Variants in FAM47E observed in about 807,000 individuals in gnomAD.
The protein encoded by FAM47E is protein FAM47E.
A neutral mutation model predicts 41.6 loss-of-function variants in FAM47E; 32 were observed. The observed-to-expected ratio is 0.77, with a 90% confidence interval of 0.58 to 1.03. The LOEUF is 1.03. Among genes scored for constraint, FAM47E ranks in the 50% least tolerant of loss-of-function variants. The pLI, the probability that FAM47E is intolerant of heterozygous loss-of-function variation, is 0.00. For synonymous variants in FAM47E, 184 were observed against 188.7 expected, an observed-to-expected ratio of 0.98 and a Z score of 0.20; for missense variants, 424 against 485.4, an observed-to-expected ratio of 0.87 and a Z score of 1.19.
intron 3 of FAM47E, among the ~76,000 whole-genome samples, chr4:76,266,057 G>A: frequency 6.6e-6 from 1 of 152,186 alleles, no homozygotes; most frequent in Non-Finnish European, 1.5e-5. Context: ...AGCTCTCAGG[G>A]ATCACCATAC....
chr4:76,264,204 T>C (rs1039613782), intron 3 of FAM47E, among the ~76,000 whole-genome samples: 1 of 152,116 alleles, frequency 6.6e-6, no homozygotes, highest in Non-Finnish European at 1.5e-5. Context: ...AGCACCATAC[T>C]TTTGGGGTAT....
At chr4:76,239,232 ACTT>A (rs1733650129) in intron 2 of FAM47E, among the ~76,000 whole-genome samples, 1 of 152,110 alleles carries the variant, frequency 6.6e-6, no homozygotes, top group South Asian at 2.1e-4. Flanking sequence ...TACTGCTATC[ACTT>A]CTTTTGTGTA....
chr4:76,235,591 C>T (rs1733572940), intron 2 of FAM47E, among the ~76,000 whole-genome samples: 1 of 152,124 alleles, frequency 6.6e-6, no homozygotes, highest in South Asian at 2.1e-4. Flanking sequence ...GATCATGAAG[C>T]TAGGAACTAA....
chr4:76,221,048 TAA>T (rs1351731748), intron 2 of FAM47E, among the ~76,000 whole-genome samples: 1 of 152,192 alleles, frequency 6.6e-6, no homozygotes, highest in African/African-American at 2.4e-5. Context: ...TCAACTCCTG[TAA>T]AGAGTCAGCT....
chr4:76,274,234 C>G (rs1735008064), intron 5 of FAM47E, among the ~76,000 whole-genome samples: 1 of 152,172 alleles, frequency 6.6e-6, no homozygotes, highest in Non-Finnish European at 1.5e-5. Context: ...TTCTGGGATG[C>G]AACCAAGTTA....
intron 2 of FAM47E, chr4:76,234,610 A>C (rs1733553065): frequency 6.6e-6 from 1 of 152,148 alleles, no homozygotes; most frequent in South Asian, 2.1e-4. Flanking sequence ...CCCAGGGCGC[A>C]GGTTGGTTGG....
intron 3 of FAM47E, 38 bp downstream of exon 3, chr4:76,263,881 C>A: frequency 6.5e-7 from 1 of 1,540,434 alleles, no homozygotes. Context: ...ATTGCTGTCA[C>A]CTGATGAAAC....
intron 3 of FAM47E, among the ~76,000 whole-genome samples, chr4:76,267,275 C>G (rs1734680501): frequency 6.6e-6 from 1 of 152,148 alleles, no homozygotes; most frequent in Non-Finnish European, 1.5e-5. Context: ...CTTCAGGGGA[C>G]AGCTTGTGGG....
Position 76,273,649 on chromosome 4 carries a change from T to G in FAM47E, c.870+1881T>G, listed in dbSNP as rs756543157. On this transcript the variant is annotated intron_variant, in intron 5 of 7. Transcript: ENST00000424749. ...TGTGGCTTGTTGAGCCTTTTGGATT[T>G]GTGGGCTTATAGTTTTCATTAATTT... is the stretch of plus-strand genomic sequence containing the variant. Among the ~76,000 whole-genome samples the G allele has an allele frequency of 2.0e-5, 3 of 152,148 alleles. No homozygotes were observed. The South Asian group carries it at 6.2e-4, about 32-fold the overall frequency.
rs148886372 is a variant in FAM47E, at chr4:76,239,002, T to C, written c.81+21314T>C. 2.8e-3 allele frequency among the ~76,000 whole-genome samples: 422 copies of C among 152,348 alleles called. 2 individuals are homozygous for C. Among genetic ancestry groups the C allele is most frequent in the African/African-American group, 9.5e-3 (394 of 41,582 alleles). ...GAATAATACAGTATTTGCCTTTTTG[T>C]TATTGTCTCATTTCACTTAACATAA... On this transcript the variant is annotated intron_variant, in intron 2 of 7. Transcript: ENST00000510197.
rs1160773957 is a variant in FAM47E, at chr4:76,263,766, T to C, written c.483T>C (p.Tyr161=). 15 of 1,551,592 alleles carry C rather than the reference T, an allele frequency of 9.7e-6. No individual in the cohort carries two copies. The highest frequency in any genetic ancestry group is 1.2e-5 in the Non-Finnish European group (14 of 1,146,908). ...PDRKLEDTWA[Y]CQDTRKGMKE... ...GGAAGCTGGAGGACACATGGGCTTATTGTCAGGACACCAGGAAAGGAATGA... is the reference window on the plus strand; with the variant it reads ...GGAAGCTGGAGGACACATGGGCTTACTGTCAGGACACCAGGAAAGGAATGA... The change falls in exon 3 of 8, where the codon TAT becomes TAC. Residue 161 remains tyrosine (Y), a synonymous_variant. Coordinates refer to ENST00000424749, the MANE Select transcript of FAM47E (RefSeq NM_001136570.3).
chr4:76,262,876 C>G (rs76769906), intron 2 of FAM47E, among the ~76,000 whole-genome samples: 2,905 of 152,208 alleles, frequency 0.019, 59 homozygotes, highest in African/African-American at 0.052. Flanking sequence ...GATCCTCTCA[C>G]CTTAGCCTCC....
chr4:76,235,020 A>T (rs536474070), intron 2 of FAM47E, among the ~76,000 whole-genome samples: 2 of 152,318 alleles, frequency 1.3e-5, no homozygotes, highest in South Asian at 4.1e-4. Context: ...CTGAAAAATA[A>T]ACATAAAAAT....
intron 3 of FAM47E, among the ~76,000 whole-genome samples, chr4:76,264,256 G>T (rs1225490245): frequency 6.6e-6 from 1 of 152,080 alleles, no homozygotes; most frequent in African/African-American, 2.4e-5. Flanking sequence ...GGAGGGCAGT[G>T]AAGAGATCAC....
chr4:76,273,048 G>T (rs1386723481), intron 5 of FAM47E, among the ~76,000 whole-genome samples: 1 of 152,160 alleles, frequency 6.6e-6, no homozygotes, highest in Non-Finnish European at 1.5e-5. Context: ...ACCTGTAGGG[G>T]TTATGTTCCA....
At chr4:76,248,035 C>T (rs1182602065), upstream of FAM47E, among the ~76,000 whole-genome samples, 1 of 150,614 alleles carries the variant, frequency 6.6e-6, no homozygotes, top group Non-Finnish European at 1.5e-5. Flanking sequence ...CTGCCTCAGC[C>T]TCCCAAGTAG....
At chr4:76,245,179 T>C (rs1733798599) in intron 2 of FAM47E, among the ~76,000 whole-genome samples, 1 of 151,734 alleles carries the variant, frequency 6.6e-6, no homozygotes, top group South Asian at 2.1e-4. Flanking sequence ...TACTTAGCAG[T>C]GGAAATACTG....
Position 76,256,500 on chromosome 4 carries a change from C to G in FAM47E, c.397C>G (p.Leu133Val). 1 of 1,550,560 alleles carries G rather than the reference C, an allele frequency of 6.4e-7. No individual in the cohort carries two copies. The highest frequency in any genetic ancestry group is 2.0e-5 in the Admixed American group (1 of 50,970). ...TPHPLALYLNLEEAMPIELLS... is the reference protein window; with the variant it reads ...TPHPLALYLNVEEAMPIELLS... ...ACATCCCTTAGCGCTCTACCTGAAT[C>G]TGGAAGAAGCTATGCCCATAGAGGT... is the stretch of plus-strand genomic sequence containing the variant. The change falls in exon 2 of 8, where the codon CTG becomes GTG. Residue 133 changes from leucine (L) to valine (V), a missense_variant. Leu to Val is a conservative substitution (Grantham distance 32, BLOSUM62 1). Transcript: ENST00000424749.
intron 2 of FAM47E, among the ~76,000 whole-genome samples, chr4:76,237,693 C>T (rs953478504): frequency 6.6e-6 from 1 of 152,194 alleles, no homozygotes; most frequent in Non-Finnish European, 1.5e-5. Context: ...TGCTTAGCTT[C>T]TGGGGAGGCC....
Sources: gnomAD v4.1 joint callset for allele counts (sites outside exome capture counted in the v4.1 genomes callset) on GRCh38, gnomAD v4.1.1 for gene constraint, MANE v1.5 for transcripts, NCBI Gene and HGNC (gene_info 2026-07-23, HGNC 2026-07-21) for gene names.